The following RIMS2 variants were observed in gnomAD, a reference collection of about 807,000 sequenced individuals.
The protein encoded by RIMS2 is regulating synaptic membrane exocytosis 2, also known as regulating synaptic membrane exocytosis protein 2.
A neutral mutation model predicts 174.4 loss-of-function variants in RIMS2; 59 were observed. The observed-to-expected ratio is 0.34, with a 90% CI of 0.27 to 0.42. RIMS2 has a LOEUF of 0.42. Among genes scored for constraint, RIMS2 ranks in the 10% least tolerant of loss-of-function variants. The pLI, the probability that RIMS2 is intolerant of heterozygous loss-of-function variation, is 1.00. For missense variants in RIMS2, 1,620 were observed against 1,666.3 expected (o/e 0.97, Z 0.48); for synonymous variants, 606 against 572.5 (o/e 1.06, Z -0.84).
chr8:104,178,022 C>CG (rs892910043), intron 19 of RIMS2, among the ~76,000 whole-genome samples: 2 of 152,138 alleles, frequency 1.3e-5, no homozygotes, highest in African/African-American at 2.4e-5. Flanking sequence ...CTAGGAGACT[C>CG]TGAGTTTTCT....
chr8:104,205,475 A>G (rs1033257461), intron 19 of RIMS2, among the ~76,000 whole-genome samples: 3 of 144,080 alleles, frequency 2.1e-5, no homozygotes, highest in Non-Finnish European at 4.5e-5. Context: ...ACACTTCACA[A>G]TAAAAATTTT....
chr8:104,216,285 G>T (rs2034304), intron 19 of RIMS2, among the ~76,000 whole-genome samples: 61,118 of 151,930 alleles, frequency 0.4, 12,751 homozygotes, highest in East Asian at 0.63. Flanking sequence ...ACTTTAGGAG[G>T]CTGAGGCAGG....
intron 2 of RIMS2, among the ~76,000 whole-genome samples, chr8:103,753,419 G>A (rs559187017): frequency 4.7e-4 from 71 of 152,210 alleles, no homozygotes; most frequent in African/African-American, 1.5e-3. Context: ...GTCTCTGCCC[G>A]GCTTTGGTAT....
chr8:104,152,311 T>C (rs1397102116), intron 19 of RIMS2, among the ~76,000 whole-genome samples: 2 of 152,170 alleles, frequency 1.3e-5, no homozygotes, highest in Admixed American at 1.3e-4. Context: ...TTTTAATTGT[T>C]CTTAAAATTT....
At chr8:103,735,748 T>C (rs530874543) in intron 2 of RIMS2, among the ~76,000 whole-genome samples, 1 of 152,332 alleles carries the variant, frequency 6.6e-6, no homozygotes, top group South Asian at 2.1e-4. Flanking sequence ...AGCTGCAAAT[T>C]ATAAACCTGT....
At chr8:104,195,435 CAAGTA>C (rs1437611910) in intron 19 of RIMS2, among the ~76,000 whole-genome samples, 1 of 150,586 alleles carries the variant, frequency 6.6e-6, no homozygotes, top group African/African-American at 2.4e-5. Context: ...CAGGAACTTT[CAAGTA>C]AAGATGTGTA....
At chr8:104,022,348 A>G (rs1000659831) in intron 19 of RIMS2, among the ~76,000 whole-genome samples, 1 of 151,996 alleles carries the variant, frequency 6.6e-6, no homozygotes, top group Non-Finnish European at 1.5e-5. Flanking sequence ...TGGAGATTAG[A>G]AGCAAGATGG....
rs1178252175 is a variant in RIMS2 at position 104,169,516 on chromosome 8, T to C, written c.3335-75400T>C. Among the ~76,000 whole-genome samples, 7 of 151,816 alleles carry C rather than the reference T, an allele frequency of 4.6e-5. No homozygotes were observed. In the East Asian group the frequency reaches 1.3e-3, roughly 29 times the overall value. ...AGTAATCTTTAGTATTTCTGTGGTA[T>C]CGGCTGTAATATCTCCAGTTTCATT... is the stretch of plus-strand genomic sequence containing the variant. On this transcript the variant is annotated intron_variant, in intron 19 of 23. Transcript: ENST00000504942.
chr8:103,566,686 G>A (rs1296339009), intron 1 of RIMS2, among the ~76,000 whole-genome samples: 1 of 152,240 alleles, frequency 6.6e-6, no homozygotes, highest in Non-Finnish European at 1.5e-5. Context: ...CAAGATGTAT[G>A]GAATCTTCAA....
At chr8:103,795,876 T>G (rs1047339804) in intron 3 of RIMS2, among the ~76,000 whole-genome samples, 2 of 152,180 alleles carry the variant, frequency 1.3e-5, no homozygotes, top group African/African-American at 4.8e-5. Context: ...TTCTATAATC[T>G]TACCTTGTGT....
At chr8:104,192,447 T>C (rs966595596) in intron 19 of RIMS2, among the ~76,000 whole-genome samples, 2 of 152,192 alleles carry the variant, frequency 1.3e-5, no homozygotes, top group Non-Finnish European at 2.9e-5. Flanking sequence ...ATTTTCAAAA[T>C]AATATTTCTT....
intron 1 of RIMS2, among the ~76,000 whole-genome samples, chr8:103,504,361 A>G (rs1822216288): frequency 1.3e-5 from 2 of 152,148 alleles, no homozygotes; most frequent in South Asian, 4.1e-4. Flanking sequence ...GGTAATGTTA[A>G]TGAGGTAGCT....
intron 19 of RIMS2, among the ~76,000 whole-genome samples, chr8:104,213,930 C>T (rs1473503219): frequency 4.0e-5 from 6 of 151,282 alleles, no homozygotes; most frequent in Non-Finnish European, 8.8e-5. Context: ...GAAATAACCG[C>T]AAATAGAATA....
chr8:104,015,952 T>C (rs1349864082), intron 19 of RIMS2, among the ~76,000 whole-genome samples: 1 of 152,080 alleles, frequency 6.6e-6, no homozygotes, highest in Non-Finnish European at 1.5e-5. Context: ...CAACATCATT[T>C]TTCATGTTGT....
intron 4 of RIMS2, among the ~76,000 whole-genome samples, chr8:103,909,594 C>T (rs929305727): frequency 5.9e-5 from 9 of 151,856 alleles, no homozygotes; most frequent in Non-Finnish European, 1.3e-4. Flanking sequence ...ATTTTTTTAA[C>T]GACACAAATT....
intron 2 of RIMS2, among the ~76,000 whole-genome samples, chr8:103,711,114 T>A (rs1462911388): frequency 6.6e-6 from 1 of 152,244 alleles, no homozygotes; most frequent in Non-Finnish European, 1.5e-5. Context: ...TTTTTGTGGA[T>A]CTTTCTTTTT....
intron 19 of RIMS2, among the ~76,000 whole-genome samples, chr8:104,158,531 C>T (rs2098739906): frequency 6.6e-6 from 1 of 152,178 alleles, no homozygotes; most frequent in Non-Finnish European, 1.5e-5. Context: ...AAAAGCATTC[C>T]TATTTTTCCA....
At chr8:103,558,988 A>G (rs2091070467) in intron 1 of RIMS2, 1 of 149,028 alleles carries the variant, frequency 6.7e-6, no homozygotes, top group Non-Finnish European at 1.5e-5. Flanking sequence ...AAAGGTGACC[A>G]TGTGTTTAGA....
rs1023166070 is a variant in RIMS2 at position 104,043,385 on chromosome 8, T to C, written c.3334+28770T>C. On this transcript the variant is annotated intron_variant, in intron 19 of 23. Transcript: ENST00000504942. ...TTGGTTCTCTAAGATTGTGTAATGATTGGCTCATTAGCACACTTCGGATGT... is the reference window on the plus strand; with the variant it reads ...TTGGTTCTCTAAGATTGTGTAATGACTGGCTCATTAGCACACTTCGGATGT... Among the ~76,000 whole-genome samples the C allele has an allele frequency of 2.0e-5, 3 of 151,606 alleles. No homozygotes were observed. The East Asian group carries it at 5.8e-4, about 29-fold the overall frequency.
Sources: gnomAD v4.1 joint callset for allele counts (sites outside exome capture counted in the v4.1 genomes callset) on GRCh38, gnomAD v4.1.1 for gene constraint, MANE v1.5 for transcripts, NCBI Gene and HGNC (gene_info 2026-07-23, HGNC 2026-07-21) for gene names.